The following CATSPER2 variants were observed in gnomAD, a reference collection of about 807,000 sequenced individuals.
CATSPER2 encodes the protein cation channel sperm-associated protein 2.
In CATSPER2, 56 loss-of-function variants were observed where a neutral mutation model predicts 68.8. The observed-to-expected ratio is 0.81, with a 90% CI of 0.66 to 1.02. The LOEUF (loss-of-function observed/expected upper bound fraction) is 1.02. CATSPER2 is among the 50% of genes least tolerant of loss of function. CATSPER2 has a pLI of 0.00. For synonymous variants in CATSPER2, 198 were observed against 229.9 expected (o/e 0.86, Z 1.26); for missense variants, 582 against 642.0 (o/e 0.91, Z 1.01).
At position 43,632,824 on chromosome 15, in the gene CATSPER2, G is replaced by C. The variant is rs138192479; in HGVS notation, c.1289C>G (p.Thr430Arg). The part of the protein sequence containing the change: ...EEDLITSASK[T>R]EETLSKKREY... Reference sequence around the variant, plus strand: ...TCTCTTTTTTGACAAGGTCTCTTCTGTTTTTGATGCAGATGTTATTAAATC... The same window carrying C: ...TCTCTTTTTTGACAAGGTCTCTTCTCTTTTTGATGCAGATGTTATTAAATC... The change falls in exon 11 of 13, where the codon ACA becomes AGA. Residue 430 changes from threonine (T) to arginine (R), a missense_variant. Thr to Arg is a moderately conservative substitution (Grantham distance 71). Transcript: ENST00000396879. The C allele has an allele frequency of 1.7e-3, 2,722 of 1,613,672 alleles. 65 individuals are homozygous for C. In the African/African-American group the frequency reaches 0.032, roughly 19 times the overall value.
At chr15:43,643,974 A>T (rs983151403) in intron 4 of CATSPER2, among the ~76,000 whole-genome samples, 2 of 152,030 alleles carry the variant, frequency 1.3e-5, no homozygotes, top group Middle Eastern at 3.4e-3. Context: ...TCAGCCTCCC[A>T]ATATACTCAG....
chr15:43,647,162 T>C (rs1414678012), intron 3 of CATSPER2, 44 bp from the exon 4 acceptor site: 5 of 1,582,582 alleles, frequency 3.2e-6, no homozygotes, highest in Non-Finnish European at 4.3e-6. Flanking sequence ...TTCTTTCTGA[T>C]TTATGCAGCT....
chr15:43,645,696 G>A (rs2086151862), intron 4 of CATSPER2, among the ~76,000 whole-genome samples: 1 of 151,754 alleles, frequency 6.6e-6, no homozygotes, highest in African/African-American at 2.4e-5. Context: ...AGGAGGCCGA[G>A]GTGGGAGGAT....
chr15:43,648,022 G>A lies in CATSPER2; in HGVS notation c.40C>T (p.Arg14Ter), dbSNP rs752826893. ...YQQEEQMQLP[R>*]ADAIRSRLID... ...AGACGTGAACGAATGGCATCAGCTC[G>A]GGGAAGCTGCATCTGCTCTTCTTGT... is the stretch of plus-strand genomic sequence containing the variant. The change falls in exon 2 of 13, where the codon CGA becomes TGA. Residue 14 changes from arginine to a stop codon, truncating the protein, a stop_gained. Coordinates refer to ENST00000396879, the MANE Select transcript of CATSPER2 (RefSeq NM_172095.4). LOFTEE classifies it high-confidence loss of function. 6.8e-6 allele frequency: 11 copies of A among 1,613,624 alleles called. No homozygotes were observed. The highest frequency in any genetic ancestry group is 1.1e-5 in the South Asian group (1 of 91,040).
At chr15:43,636,746 C>A (rs1218332588) in intron 7 of CATSPER2, among the ~76,000 whole-genome samples, 1 of 151,484 alleles carries the variant, frequency 6.6e-6, no homozygotes, top group African/African-American at 2.4e-5. Flanking sequence ...TCCATTAGTT[C>A]TTGGGTATAA....
rs1027856977 is a variant in CATSPER2 at position 43,640,015 on chromosome 15, T to C, written c.562-217A>G. On this transcript the variant is annotated intron_variant, in intron 5 of 12. Transcript: ENST00000396879. ...AAAAGGGGGATAAAATTCATGGTTATTTAATTGGGTTGTTGTGGAGCATAA... is the reference window on the plus strand; with the variant it reads ...AAAAGGGGGATAAAATTCATGGTTACTTAATTGGGTTGTTGTGGAGCATAA... 1.1e-5 allele frequency: 16 copies of C among 1,446,380 alleles called. No homozygotes were observed. In the African/African-American group the frequency reaches 1.2e-4, roughly 10 times the overall value. 89.6% of individuals were successfully genotyped at this position (1,446,380 alleles called of 1,614,324 possible).
At chr15:43,646,926 AGGCT>A in intron 4 of CATSPER2, 120 bp downstream of exon 4, 1 of 818,402 alleles carries the variant, frequency 1.2e-6, no homozygotes, top group Non-Finnish European at 2.2e-6. Flanking sequence ...CATGTTGCCC[AGGCT>A]GGTCTCCAAC....
At chr15:43,643,824 A>G (rs1259385635) in intron 4 of CATSPER2, among the ~76,000 whole-genome samples, 1 of 151,928 alleles carries the variant, frequency 6.6e-6, no homozygotes. Context: ...CACCTTTGGG[A>G]AAAAATTGTA....
At chr15:43,631,539 CT>C in intron 12 of CATSPER2, 1 of 377,468 alleles carries the variant, frequency 2.6e-6, no homozygotes, top group Non-Finnish European at 5.6e-6. Flanking sequence ...TTTTTTTTTC[CT>C]TTTAGAGGGA....
intron 7 of CATSPER2, among the ~76,000 whole-genome samples, 166 bp from the exon 8 acceptor site, chr15:43,636,385 GT>G (rs967721466): frequency 2.6e-5 from 4 of 151,270 alleles, no homozygotes; most frequent in East Asian, 3.9e-4. Flanking sequence ...ATAGTTTGAA[GT>G]TTTTTTTTGT....
At chr15:43,632,175 C>T in intron 12 of CATSPER2, 24 bp downstream of exon 12, 1 of 1,609,814 alleles carries the variant, frequency 6.2e-7, no homozygotes, top group East Asian at 2.2e-5. Flanking sequence ...TCCCATGGTC[C>T]CCATGACTGC....
chr15:43,636,218 C>A lies in CATSPER2; in HGVS notation c.844G>T (p.Asp282Tyr). 2 of 1,613,024 alleles carry A rather than the reference C, an allele frequency of 1.2e-6. No homozygotes were observed. Among genetic ancestry groups the A allele is most frequent in the African/African-American group, 1.3e-5 (1 of 74,822 alleles). The stretch of plus-strand genomic sequence containing the variant: ...ACTGTTACCAGGGAATTCGGGAGGT[C>A]CCTAAAGAAAAAGACATGTGAATAG... ...QDLEYHVFFS[D>Y]LPNSLVTVFI... The change falls in exon 8 of 13, where the codon GAC becomes TAC. Residue 282 changes from aspartate to tyrosine, a missense_variant and splice_region_variant. Physicochemically the swap from Asp to Tyr is radical, Grantham distance 160. This residue lies in a region of CATSPER2 where 91 missense variants were observed against 72.8 expected (regional missense o/e 1.25). Transcript: ENST00000396879.
chr15:43,639,544 C>T lies in CATSPER2; in HGVS notation c.717+99G>A, dbSNP rs537062181. On this transcript the variant is annotated intron_variant, in intron 6 of 12. Transcript: ENST00000396879. The stretch of plus-strand genomic sequence containing the variant: ...CTTCCCAAAGTGCTGGGATTACAGG[C>T]GTGAGCCACCGCACCCGGCCAATTT... 478 of 1,586,742 alleles carry T rather than the reference C, an allele frequency of 3.0e-4. 6 individuals carry two copies. The highest frequency in any genetic ancestry group is 5.8e-4 in the Admixed American group (34 of 59,036).
Position 43,648,615 on chromosome 15 carries a change from C to T in CATSPER2, c.-3+14G>A. The T allele has an allele frequency of 7.2e-7, 1 of 1,390,258 alleles. No homozygotes were observed. Among genetic ancestry groups the T allele is most frequent in the Non-Finnish European group, 9.3e-7 (1 of 1,076,484 alleles). 86.1% of individuals were successfully genotyped at this position (1,390,258 alleles called of 1,614,324 possible). ...TAGCTCCTTCTCTCCTCCATTCTCG[C>T]TTCTGGGCCTCACCTCAGCCCAGGT... is the stretch of plus-strand genomic sequence containing the variant. On this transcript the variant is annotated intron_variant, in intron 1 of 12. Coordinates refer to ENST00000396879, the MANE Select transcript of CATSPER2 (RefSeq NM_172095.4).
rs2086027249 is a variant in CATSPER2 at position 43,639,284 on chromosome 15, G to C, written c.718-256C>G. 31 of 476,140 alleles carry C rather than the reference G, an allele frequency of 6.5e-5. 1 individual carries two copies. The highest frequency in any genetic ancestry group is 6.2e-4 in the South Asian group (29 of 46,822). The allele number at this position is 476,140 out of a possible 1,614,324, so 29.5% of individuals were successfully genotyped here. ...TTTTTAGACGGAGTTTCACTCTGTC[G>C]CCTAGGCTAGAGTGCAGTGGCGCAG... On this transcript the variant is annotated intron_variant, in intron 6 of 12. Coordinates refer to ENST00000396879, the MANE Select transcript of CATSPER2 (RefSeq NM_172095.4).
intron 7 of CATSPER2, among the ~76,000 whole-genome samples, chr15:43,638,386 T>A (rs762532061): frequency 8.1e-5 from 12 of 147,902 alleles, no homozygotes; most frequent in Non-Finnish European, 1.5e-4. Flanking sequence ...CCTCCCAGAT[T>A]CAAGCAATTC....
rs139202448 is a variant in CATSPER2 at position 43,646,245 on chromosome 15, A to G, written c.388+805T>C. Among the ~76,000 whole-genome samples the G allele has an allele frequency of 5.3e-3, 807 of 151,080 alleles. 10 individuals carry two copies. Among genetic ancestry groups the G allele is most frequent in the African/African-American group, 0.019 (778 of 41,032 alleles). On this transcript the variant is annotated intron_variant, in intron 4 of 12. Transcript: ENST00000396879. ...ATTACACCTAGTTTTATGTGTCTAGATGCTCTGTATCTAGTATACTCTTGA... is the reference window on the plus strand; with the variant it reads ...ATTACACCTAGTTTTATGTGTCTAGGTGCTCTGTATCTAGTATACTCTTGA...
chr15:43,630,870 T>A (rs2085858817), intron 12 of CATSPER2, 138 bp from the exon 13 acceptor site: 3 of 1,556,902 alleles, frequency 1.9e-6, no homozygotes, highest in Non-Finnish European at 2.6e-6. Flanking sequence ...CATATGATTC[T>A]GTGTACTCTT....
chr15:43,638,835 T>G, intron 7 of CATSPER2, 69 bp downstream of exon 7: 10 of 1,579,522 alleles, frequency 6.3e-6, no homozygotes, highest in Non-Finnish European at 8.7e-6. Context: ...ATTACTATAC[T>G]TTGGACAAGC....
Sources: gnomAD v4.1 joint callset for allele counts (sites outside exome capture counted in the v4.1 genomes callset) on GRCh38, gnomAD v4.1.1 for gene constraint, gnomAD v4.1.1 regional missense constraint, MANE v1.5 for transcripts, NCBI Gene and HGNC (gene_info 2026-07-23, HGNC 2026-07-21) for gene names.